DOCK3: variants seen among roughly 807,000 people sequenced by gnomAD.
DOCK3 encodes dedicator of cytokinesis protein 3.
Under a neutral mutation model 265.6 loss-of-function variants are expected in DOCK3, and 60 were observed. The ratio of observed to expected loss-of-function variants is 0.23; its 90% CI spans 0.18 to 0.28. The LOEUF is 0.28. DOCK3 is among the 10% of genes least tolerant of loss of function. The pLI is 1.00. For synonymous variants in DOCK3, 881 were observed against 938.0 expected (o/e 0.94, Z 1.11); for missense variants, 1,981 against 2,594.3 (o/e 0.76, Z 5.14).
intron 12 of DOCK3, among the ~76,000 whole-genome samples, chr3:51,190,822 G>C (rs1301591234): frequency 6.6e-6 from 1 of 152,152 alleles, no homozygotes; most frequent in Non-Finnish European, 1.5e-5. Flanking sequence ...GGGTCAGGTA[G>C]GTCCACACCC....
At chr3:50,851,298 A>G (rs1342376758) in intron 3 of DOCK3, among the ~76,000 whole-genome samples, 1 of 152,088 alleles carries the variant, frequency 6.6e-6, no homozygotes, top group African/African-American at 2.4e-5. Context: ...CAGGCTGCCA[A>G]ACCAGGCAAG....
chr3:50,937,337 G>A (rs1031599263), intron 5 of DOCK3, among the ~76,000 whole-genome samples: 1 of 149,198 alleles, frequency 6.7e-6, no homozygotes, highest in Non-Finnish European at 1.5e-5. Flanking sequence ...AATTATAATA[G>A]GGTAACTACA....
intron 5 of DOCK3, among the ~76,000 whole-genome samples, chr3:51,036,840 T>A (rs1170270347): frequency 6.6e-6 from 1 of 152,188 alleles, no homozygotes; most frequent in East Asian, 1.9e-4. Context: ...GTTCACCTGA[T>A]GGTGATTAAA....
intron 5 of DOCK3, among the ~76,000 whole-genome samples, chr3:51,012,634 G>A (rs377132404): frequency 1.9e-4 from 29 of 152,010 alleles, no homozygotes; most frequent in East Asian, 7.7e-4. Context: ...GCTCACACCC[G>A]GTGGACTGCA....
chr3:50,805,122 A>G (rs2043333742), intron 2 of DOCK3, among the ~76,000 whole-genome samples: 1 of 152,110 alleles, frequency 6.6e-6, no homozygotes, highest in Non-Finnish European at 1.5e-5. Flanking sequence ...GTATCCATCT[A>G]GTGGAAAAGT....
rs541089484 is a variant in DOCK3 at position 50,797,296 on chromosome 3, T to C, written c.121+18538T>C. ...CTGTCAGGCGCAGGCCTGTGTGTTA[T>C]GGGGTAGTCACTCAGAAAGTGGGAG... On this transcript the variant is annotated intron_variant, in intron 2 of 52. Coordinates refer to ENST00000266037, the MANE Select transcript of DOCK3 (RefSeq NM_004947.5). 5.3e-5 allele frequency among the ~76,000 whole-genome samples: 8 copies of C among 152,290 alleles called. No individual in the cohort carries two copies. In the East Asian group the frequency reaches 1.2e-3, roughly 22 times the overall value.
At chr3:51,103,824 T>C (rs2083174555) in intron 9 of DOCK3, among the ~76,000 whole-genome samples, 1 of 152,174 alleles carries the variant, frequency 6.6e-6, no homozygotes, top group Non-Finnish European at 1.5e-5. Context: ...TGGGAGGATA[T>C]TCACTTATCC....
Position 51,381,467 on chromosome 3 carries a change from C to T in DOCK3, c.6001C>T (p.Arg2001Ter), listed in dbSNP as rs781927362. The T allele has an allele frequency of 3.1e-6, 5 of 1,596,828 alleles. No individual in the cohort carries two copies. The highest frequency in any genetic ancestry group is 4.6e-5 in the East Asian group (2 of 43,834). The change falls in exon 53 of 53, where the codon CGA becomes TGA. Residue 2001 changes from arginine (R) to a stop codon, truncating the protein, a stop_gained. Transcript: ENST00000266037. LOFTEE classifies it high-confidence loss of function. This position sits in a 1 kb window ranked among gnomAD's most constrained non-coding sequence, Gnocchi z 5.6. The part of the protein sequence containing the change: ...VLLREETERP[R>*]GLHRKAPLPP... ...GCTGCGTGAAGAGACTGAGAGGCCT[C>T]GAGGCCTGCACCGCAAGGCTCCATT...
chr3:50,799,234 C>G (rs761525869), intron 2 of DOCK3, among the ~76,000 whole-genome samples: 1 of 152,008 alleles, frequency 6.6e-6, no homozygotes, highest in Non-Finnish European at 1.5e-5. Flanking sequence ...AGGATATTCC[C>G]CCTTATTTCT....
intron 27 of DOCK3, among the ~76,000 whole-genome samples, chr3:51,308,872 C>T (rs1420461391): frequency 2.0e-5 from 3 of 147,692 alleles, no homozygotes; most frequent in Admixed American, 6.8e-5. Context: ...TCAGACGGGG[C>T]GGCTGCCGGG....
At chr3:50,837,488 T>A (rs1167093765) in intron 2 of DOCK3, among the ~76,000 whole-genome samples, 1 of 152,098 alleles carries the variant, frequency 6.6e-6, no homozygotes, top group African/African-American at 2.4e-5. Context: ...TCAGATCTTG[T>A]GGGAACTCAC....
At chr3:50,958,506 A>G (rs1345117997) in intron 5 of DOCK3, among the ~76,000 whole-genome samples, 2 of 152,178 alleles carry the variant, frequency 1.3e-5, no homozygotes, top group South Asian at 2.1e-4. Flanking sequence ...GCAAGGATCA[A>G]CTACGATAAT....
chr3:50,744,540 T>G (rs887561384), intron 1 of DOCK3, among the ~76,000 whole-genome samples: 2 of 151,938 alleles, frequency 1.3e-5, no homozygotes, highest in African/African-American at 4.8e-5. Flanking sequence ...GCTTGGGTTA[T>G]CCTCCACCTC....
intron 3 of DOCK3, among the ~76,000 whole-genome samples, chr3:50,854,867 A>C (rs900959897): frequency 1.3e-5 from 2 of 151,998 alleles, no homozygotes; most frequent in African/African-American, 4.8e-5. Context: ...CAGTTTTCCT[A>C]GCACTATTTA....
At chr3:50,731,081 G>A (rs559893343) in intron 1 of DOCK3, among the ~76,000 whole-genome samples, 3 of 142,922 alleles carry the variant, frequency 2.1e-5, no homozygotes, top group African/African-American at 7.8e-5. Context: ...GCAGTGAGCC[G>A]AGATCCCACC....
At chr3:51,227,747 C>A (rs887515335) in intron 16 of DOCK3, among the ~76,000 whole-genome samples, 7 of 152,106 alleles carry the variant, frequency 4.6e-5, no homozygotes, top group African/African-American at 1.7e-4. Flanking sequence ...TTAAAGAGAC[C>A]CTAGTTCATC....
chr3:51,156,942 A>G (rs531995806), intron 10 of DOCK3, among the ~76,000 whole-genome samples: 74 of 152,328 alleles, frequency 4.9e-4, no homozygotes, highest in African/African-American at 1.8e-3. Flanking sequence ...ACATCTTTCA[A>G]TTCAAAAAAG....
chr3:51,031,291 A>G (rs367726164), intron 5 of DOCK3, among the ~76,000 whole-genome samples: 13 of 152,168 alleles, frequency 8.5e-5, no homozygotes, highest in African/African-American at 2.9e-4. Context: ...GGTGAGTACA[A>G]GATCATAAAA....
intron 3 of DOCK3, among the ~76,000 whole-genome samples, chr3:50,864,061 T>C (rs967802707): frequency 1.5e-4 from 23 of 152,350 alleles, no homozygotes; most frequent in Non-Finnish European, 2.8e-4. Flanking sequence ...GCTGTGTCAC[T>C]TTACATTTCT....
Sources: allele counts gnomAD v4.1 joint callset (sites outside exome capture counted in the v4.1 genomes callset), GRCh38; gene constraint gnomAD v4.1.1; non-coding constraint Gnocchi (gnomAD v3.1); transcripts MANE v1.5; gene names NCBI Gene and HGNC (gene_info 2026-07-23, HGNC 2026-07-21).